Variants in STX18 observed in about 807,000 individuals in gnomAD.
The protein encoded by STX18 is syntaxin-18.
Under a neutral mutation model 50.1 loss-of-function variants are expected in STX18, and 40 were observed. The observed-to-expected ratio is 0.80, with a 90% CI of 0.62 to 1.04. The LOEUF (loss-of-function observed/expected upper bound fraction) is 1.04. STX18 is among the 50% of genes least tolerant of loss of function. The pLI is 0.00. For missense variants in STX18, 410 were observed against 415.8 expected (o/e 0.99, Z 0.12); for synonymous variants, 158 against 151.8 (o/e 1.04, Z -0.30).
chr4:4,484,142 G>A (rs969663843), intron 1 of STX18, among the ~76,000 whole-genome samples: 4 of 152,074 alleles, frequency 2.6e-5, no homozygotes, highest in Non-Finnish European at 5.9e-5. Flanking sequence ...GATTACAGGT[G>A]TGAGCCACCG....
At chr4:4,508,262 G>A (rs1216405501) in intron 1 of STX18, among the ~76,000 whole-genome samples, 1 of 152,008 alleles carries the variant, frequency 6.6e-6, no homozygotes, top group Non-Finnish European at 1.5e-5. Context: ...GTCATATGTG[G>A]ACCTCACCAC....
chr4:4,424,142 G>C (rs2108771073), intron 8 of STX18, among the ~76,000 whole-genome samples: 1 of 151,720 alleles, frequency 6.6e-6, no homozygotes, highest in Non-Finnish European at 1.5e-5. Context: ...GCAACGGAGT[G>C]TTCTGTCGGA....
chr4:4,476,004 A>G (rs1170862300), intron 1 of STX18: 3 of 152,218 alleles, frequency 2.0e-5, no homozygotes, highest in Non-Finnish European at 4.4e-5. Flanking sequence ...ATAAGTATAT[A>G]CATCAAGAGA....
At chr4:4,507,943 G>A (rs1577386349) in intron 1 of STX18, among the ~76,000 whole-genome samples, 1 of 151,994 alleles carries the variant, frequency 6.6e-6, no homozygotes, top group East Asian at 1.9e-4. Context: ...ACCACTGATC[G>A]GTCACCATGC....
intron 1 of STX18, among the ~76,000 whole-genome samples, chr4:4,517,320 C>CAT (rs1160091831): frequency 3.3e-5 from 5 of 152,128 alleles, no homozygotes; most frequent in African/African-American, 4.8e-5. Flanking sequence ...TAAATAGAAA[C>CAT]ACCCCAACAT....
At chr4:4,500,089 A>C (rs1577378209) in intron 1 of STX18, among the ~76,000 whole-genome samples, 1 of 134,336 alleles carries the variant, frequency 7.4e-6, no homozygotes, top group Admixed American at 7.2e-5. Context: ...CTTGGTGTTA[A>C]AAAAAAATTT....
At chr4:4,523,397 G>A (rs1241418114) in intron 1 of STX18, among the ~76,000 whole-genome samples, 2 of 152,108 alleles carry the variant, frequency 1.3e-5, no homozygotes, top group Non-Finnish European at 2.9e-5. Context: ...ACATTCTGAT[G>A]TCTTTTCCAG....
intron 1 of STX18, among the ~76,000 whole-genome samples, chr4:4,536,777 C>T (rs1356738080): frequency 2.6e-5 from 4 of 152,118 alleles, no homozygotes; most frequent in Non-Finnish European, 5.9e-5. Context: ...AAATAAAAAA[C>T]GAAGTTTAGC....
In STX18 at chr4:4,420,134, G is replaced by A; in HGVS notation, c.913-5C>T. On this transcript the variant is annotated splice_region_variant and splice_polypyrimidine_tract_variant and intron_variant, in intron 10 of 10. Coordinates refer to ENST00000306200, the MANE Select transcript of STX18 (RefSeq NM_016930.4). This position sits in a 1 kb window ranked among gnomAD's most constrained non-coding sequence, Gnocchi z 4.3. The stretch of plus-strand genomic sequence containing the variant: ...GCCAGCGTTGTTTTTAATGGCCTGG[G>A]CAGGGACGGGAGCACAGGTGTTTTT... The A allele has an allele frequency of 6.2e-7, 1 of 1,606,732 alleles. No individual in the cohort carries two copies. The highest frequency in any genetic ancestry group is 8.5e-7 in the Non-Finnish European group (1 of 1,176,668).
Position 4,438,452 on chromosome 4 carries a change from T to C in STX18, c.555A>G (p.Lys185=). ...AGTCTTTTGAAGGACTCTGTGAAAC[T>C]TTCTCAGAAGATGTGGATTCTCTTG... ...TKTRESTSSE[K]VSQSPSKDSE... The change falls in exon 6 of 11, where the codon AAA becomes AAG. Residue 185 remains lysine (K), a synonymous_variant. Coordinates refer to ENST00000306200, the MANE Select transcript of STX18 (RefSeq NM_016930.4). 12 of 1,613,988 alleles carry C rather than the reference T, an allele frequency of 7.4e-6. No homozygotes were observed. The highest frequency in any genetic ancestry group is 9.3e-6 in the Non-Finnish European group (11 of 1,179,850).
intron 5 of STX18, among the ~76,000 whole-genome samples, chr4:4,451,690 C>G (rs1381445701): frequency 6.6e-6 from 1 of 152,214 alleles, no homozygotes; most frequent in Non-Finnish European, 1.5e-5. Context: ...TCACATAAGA[C>G]AGCGTACTTC....
At chr4:4,530,296 G>C (rs1158988146) in intron 1 of STX18, among the ~76,000 whole-genome samples, 2 of 151,840 alleles carry the variant, frequency 1.3e-5, no homozygotes, top group Non-Finnish European at 2.9e-5. Flanking sequence ...CATGCCTAGA[G>C]TTTTTTGGGT....
intron 1 of STX18, among the ~76,000 whole-genome samples, chr4:4,529,577 C>T (rs1300774688): frequency 2.6e-5 from 4 of 151,884 alleles, no homozygotes; most frequent in African/African-American, 7.3e-5. Context: ...GAGCACAGTT[C>T]CCAGCCTGGG....
chr4:4,445,148 T>A (rs1376128572), intron 5 of STX18, among the ~76,000 whole-genome samples: 1 of 152,194 alleles, frequency 6.6e-6, no homozygotes, highest in East Asian at 1.9e-4. Context: ...ATGCCTGTAA[T>A]CCCAGCACTT....
chr4:4,468,246 G>A (rs1190806545), intron 2 of STX18, among the ~76,000 whole-genome samples: 7 of 151,594 alleles, frequency 4.6e-5, no homozygotes, highest in African/African-American at 1.2e-4. Context: ...GAAACACCAC[G>A]TCCCCTCCCT....
chr4:4,459,896 A>C (rs1024704860), intron 2 of STX18, among the ~76,000 whole-genome samples: 3 of 151,958 alleles, frequency 2.0e-5, no homozygotes, highest in African/African-American at 7.3e-5. Flanking sequence ...TTCCAGGCAC[A>C]CTCCCACCTC....
intron 1 of STX18, among the ~76,000 whole-genome samples, chr4:4,486,937 C>G (rs557887001): frequency 6.6e-6 from 1 of 152,212 alleles, no homozygotes; most frequent in East Asian, 1.9e-4. Flanking sequence ...AGTTCTTGAC[C>G]TTTTTAGGGG....
chr4:4,454,153 T>C (rs151206849), intron 5 of STX18, among the ~76,000 whole-genome samples: 3 of 151,932 alleles, frequency 2.0e-5, no homozygotes, highest in African/African-American at 7.2e-5. Context: ...AGCAAGGGAG[T>C]GATAAAATCA....
chr4:4,514,299 T>A (rs1236867609), intron 1 of STX18, among the ~76,000 whole-genome samples: 4 of 152,184 alleles, frequency 2.6e-5, no homozygotes, highest in Admixed American at 6.5e-5. Flanking sequence ...GCTATCAACT[T>A]GTTAAGCACA....
Sources: allele counts gnomAD v4.1 joint callset (sites outside exome capture counted in the v4.1 genomes callset), GRCh38; gene constraint gnomAD v4.1.1; non-coding constraint Gnocchi (gnomAD v3.1); transcripts MANE v1.5; gene names NCBI Gene and HGNC (gene_info 2026-07-23, HGNC 2026-07-21).